KIAA1217: variants seen among roughly 807,000 people sequenced by gnomAD.
KIAA1217 encodes sickle tail protein homolog.
Under a neutral mutation model 163.9 loss-of-function variants are expected in KIAA1217, and 88 were observed. The ratio of observed to expected loss-of-function variants is 0.54; its 90% CI spans 0.45 to 0.64. The LOEUF is 0.64. KIAA1217 is among the 30% of genes least tolerant of loss of function. The pLI is 0.00. For synonymous variants in KIAA1217, 903 were observed against 923.1 expected, an observed-to-expected ratio of 0.98 and a Z score of 0.39; for missense variants, 2,372 against 2,475.0, an observed-to-expected ratio of 0.96 and a Z score of 0.88.
At chr10:24,005,890 C>G (rs1344658764) in intron 1 of KIAA1217, among the ~76,000 whole-genome samples, 1 of 152,092 alleles carries the variant, frequency 6.6e-6, no homozygotes, top group African/African-American at 2.4e-5. Flanking sequence ...ACACTAGAAC[C>G]TCGAATATAG....
chr10:24,100,328 T>C, intron 2 of KIAA1217, among the ~76,000 whole-genome samples: 1 of 152,228 alleles, frequency 6.6e-6, no homozygotes, highest in East Asian at 1.9e-4. Context: ...ATTGGGTGTA[T>C]GCAGCTGCCA....
intron 3 of KIAA1217, among the ~76,000 whole-genome samples, chr10:24,382,631 G>C (rs2053455897): frequency 6.6e-6 from 1 of 151,900 alleles, no homozygotes; most frequent in African/African-American, 2.4e-5. Context: ...GCTTGTTTGA[G>C]CTCACACACT....
intron 1 of KIAA1217, among the ~76,000 whole-genome samples, chr10:23,786,920 A>G (rs895693850): frequency 6.6e-6 from 1 of 152,188 alleles, no homozygotes; most frequent in Non-Finnish European, 1.5e-5. Flanking sequence ...TCCTGCTCAC[A>G]GGTCTTCTGT....
intron 2 of KIAA1217, among the ~76,000 whole-genome samples, chr10:24,116,986 A>T (rs1010912753): frequency 6.6e-6 from 1 of 152,138 alleles, no homozygotes; most frequent in South Asian, 2.1e-4. Context: ...TCTGATGGGC[A>T]GGAGTATCCT....
chr10:24,344,286 A>G (rs962832471), intron 2 of KIAA1217, among the ~76,000 whole-genome samples: 10 of 152,232 alleles, frequency 6.6e-5, no homozygotes, highest in African/African-American at 2.4e-4. Flanking sequence ...CAATAAATCT[A>G]CTGTACCTAC....
At chr10:24,073,827 A>G (rs1449735398) in intron 2 of KIAA1217, among the ~76,000 whole-genome samples, 1 of 152,178 alleles carries the variant, frequency 6.6e-6, no homozygotes, top group Non-Finnish European at 1.5e-5. Context: ...CACAGCACAC[A>G]GACACTGCCC....
intron 1 of KIAA1217, among the ~76,000 whole-genome samples, chr10:23,720,079 T>C (rs1837789820): frequency 1.3e-5 from 2 of 151,784 alleles, no homozygotes; most frequent in South Asian, 4.2e-4. Context: ...TTTAGTATGA[T>C]GGAAATATTT....
chr10:24,010,327 T>A (rs1284220667), intron 2 of KIAA1217, among the ~76,000 whole-genome samples: 1 of 152,192 alleles, frequency 6.6e-6, no homozygotes, highest in African/African-American at 2.4e-5. Context: ...ATCAAATGAT[T>A]AAGATGATTG....
intron 1 of KIAA1217, among the ~76,000 whole-genome samples, chr10:23,810,192 G>A (rs1187711780): frequency 4.0e-5 from 6 of 151,130 alleles, no homozygotes; most frequent in South Asian, 4.2e-4. Context: ...ATTGTAAGTC[G>A]AGCATTTATC....
In KIAA1217 at chr10:24,374,078, T is replaced by G. The variant is rs190156716; in HGVS notation, c.355-6791T>G. On this transcript the variant is annotated intron_variant, in intron 2 of 20. Coordinates refer to ENST00000376454, the MANE Select transcript of KIAA1217 (RefSeq NM_019590.5). ...TCTTTGGATGGAAAAGGGAGAAAAG[T>G]GTTGAAATATTAGCGTTGAAGAAAC... 1.7e-3 allele frequency among the ~76,000 whole-genome samples: 252 copies of G among 152,322 alleles called. 1 individual carries two copies. The highest frequency in any genetic ancestry group is 3.4e-3 in the Middle Eastern group (1 of 294).
intron 2 of KIAA1217, among the ~76,000 whole-genome samples, chr10:24,373,650 G>T (rs911557389): frequency 2.0e-5 from 3 of 152,180 alleles, no homozygotes; most frequent in South Asian, 2.1e-4. Context: ...GAGAGTATTT[G>T]CATAGTGTGG....
chr10:23,938,421 G>GTATA (rs1432180782), intron 1 of KIAA1217, among the ~76,000 whole-genome samples: 2 of 151,880 alleles, frequency 1.3e-5, no homozygotes, highest in Non-Finnish European at 2.9e-5. Flanking sequence ...AGGTAAGTAT[G>GTATA]TATATACACC....
chr10:23,787,391 A>G (rs533650799), intron 1 of KIAA1217, among the ~76,000 whole-genome samples: 97 of 152,314 alleles, frequency 6.4e-4, no homozygotes, highest in Non-Finnish European at 1.1e-3. Context: ...TGACAATATC[A>G]TCAGTGATCC....
At chr10:24,130,404 G>A (rs1407079988) in intron 2 of KIAA1217, among the ~76,000 whole-genome samples, 3 of 152,136 alleles carry the variant, frequency 2.0e-5, no homozygotes, top group African/African-American at 7.2e-5. Flanking sequence ...CAGATTATAG[G>A]CTATTTTAAG....
intron 1 of KIAA1217, among the ~76,000 whole-genome samples, chr10:23,735,930 A>G (rs1455080401): frequency 6.6e-6 from 1 of 152,192 alleles, no homozygotes; most frequent in African/African-American, 2.4e-5. Flanking sequence ...ATGAACACAT[A>G]TTTCATTCTC....
intron 2 of KIAA1217, among the ~76,000 whole-genome samples, chr10:24,223,334 C>G (rs1192727170): frequency 6.6e-6 from 1 of 152,176 alleles, no homozygotes; most frequent in Non-Finnish European, 1.5e-5. Flanking sequence ...TAGACATGGC[C>G]TATGAAATTG....
Position 24,543,878 on chromosome 10 carries a change from G to A in KIAA1217, c.4608G>A (p.Gln1536=), listed in dbSNP as rs779292216. 2 of 1,614,072 alleles carry A rather than the reference G, an allele frequency of 1.2e-6. No homozygotes were observed. Among genetic ancestry groups the A allele is most frequent in the South Asian group, 2.2e-5 (2 of 91,060 alleles). ...LATETRNPGG[Q]EMNRTELNKF... is the part of the protein sequence containing the mutation. Reference sequence around the variant, plus strand: ...CAGAGACCAGAAACCCAGGAGGACAGGAAATGAACAGAACGGAGCTGAACA... The same window carrying A: ...CAGAGACCAGAAACCCAGGAGGACAAGAAATGAACAGAACGGAGCTGAACA... The change falls in exon 19 of 21, where the codon CAG becomes CAA. Residue 1536 remains glutamine, a synonymous_variant. Transcript: ENST00000376454.
intron 2 of KIAA1217, among the ~76,000 whole-genome samples, chr10:24,324,398 C>T (rs574981567): frequency 4.6e-4 from 70 of 152,200 alleles, no homozygotes; most frequent in African/African-American, 1.6e-3. Context: ...GAAACCCTGA[C>T]TCCACTAAAA....
In KIAA1217 at chr10:24,447,533, T is replaced by C. The variant is rs185512304; in HGVS notation, c.846+9054T>C. On this transcript the variant is annotated intron_variant, in intron 5 of 20. Coordinates refer to ENST00000376454, the MANE Select transcript of KIAA1217 (RefSeq NM_019590.5). ...CTTAAGTGTCTTTCAGCTCTAAGCT[T>C]CTCAGGGACAGGGTCTCCATTTCAT... Among the ~76,000 whole-genome samples the C allele has an allele frequency of 1.2e-3, 185 of 152,278 alleles. 1 individual carries two copies. Among genetic ancestry groups the C allele is most frequent in the African/African-American group, 4.3e-3 (177 of 41,548 alleles).
Sources: allele counts gnomAD v4.1 joint callset (sites outside exome capture counted in the v4.1 genomes callset), GRCh38; gene constraint gnomAD v4.1.1; transcripts MANE v1.5; gene names NCBI Gene and HGNC (gene_info 2026-07-23, HGNC 2026-07-21).